The following SYT14 variants were observed in gnomAD, a reference collection of about 807,000 sequenced individuals.
SYT14 encodes the protein synaptotagmin-14.
A neutral mutation model predicts 74.2 loss-of-function variants in SYT14; 32 were observed. The observed-to-expected ratio is 0.43, with a 90% CI of 0.33 to 0.58. The LOEUF (loss-of-function observed/expected upper bound fraction) is 0.58. SYT14 is among the 20% of genes least tolerant of loss of function. The pLI is 0.05. For synonymous variants in SYT14, 298 were observed against 337.7 expected (o/e 0.88, Z 1.29); for missense variants, 791 against 981.8 (o/e 0.81, Z 2.60).
rs1051006168 is a variant in SYT14 at position 210,018,193 on chromosome 1, G to A, written c.1096+1094G>A. Among the ~76,000 whole-genome samples the A allele has an allele frequency of 6.6e-5, 10 of 152,188 alleles. No homozygotes were observed. The East Asian group carries it at 1.9e-3, about 29-fold the overall frequency. On this transcript the variant is annotated intron_variant, in intron 4 of 9. Transcript: ENST00000637265. Reference sequence around the variant, plus strand: ...GCTGTCGCCAGGCTGGATTGCAGTGGTGCAATCTCGGCTCACTGCCATCTC... The same window carrying A: ...GCTGTCGCCAGGCTGGATTGCAGTGATGCAATCTCGGCTCACTGCCATCTC...
Position 209,941,427 on chromosome 1 carries a change from A to T in SYT14, c.-534+3150A>T, listed in dbSNP as rs527380261. Among the ~76,000 whole-genome samples the T allele has an allele frequency of 1.4e-4, 22 of 152,304 alleles. No individual in the cohort carries two copies. In the South Asian group the frequency reaches 4.6e-3, roughly 32 times the overall value. On this transcript the variant is annotated intron_variant, in intron 1 of 9. Coordinates refer to ENST00000637265, the Ensembl canonical transcript of SYT14. ...ATCTGGCAATACCAGGTTGGGAATC[A>T]TTGTTGTAGCCTAGCCTATGAAGTG...
At chr1:210,039,084 A>C (rs2080730843) in intron 5 of SYT14, among the ~76,000 whole-genome samples, 1 of 152,046 alleles carries the variant, frequency 6.6e-6, no homozygotes, top group Non-Finnish European at 1.5e-5. Flanking sequence ...ATACTTCTCA[A>C]AGGCTTTGTT....
rs1186900200 is a variant in SYT14 at position 209,988,230 on chromosome 1, C to T, written c.-485-25403C>T. ...TTGTAATATCTGATGTGCTGTCAGTCTCTTTCAGTGTATTTTTATCTAAGA... is the reference window on the plus strand; with the variant it reads ...TTGTAATATCTGATGTGCTGTCAGTTTCTTTCAGTGTATTTTTATCTAAGA... On this transcript the variant is annotated intron_variant, in intron 2 of 9. Coordinates refer to ENST00000637265, the Ensembl canonical transcript of SYT14. Among the ~76,000 whole-genome samples the T allele has an allele frequency of 2.0e-5, 3 of 152,268 alleles. No homozygotes were observed. The East Asian group carries it at 5.8e-4, about 29-fold the overall frequency.
chr1:210,075,338 G>GTT (rs1174586080), intron 5 of SYT14, among the ~76,000 whole-genome samples: 33 of 104,546 alleles, frequency 3.2e-4, no homozygotes, highest in African/African-American at 8.0e-4. Flanking sequence ...GGTCTCGAGG[G>GTT]TTTGTTTTTT....
At chr1:210,059,509 C>T (rs1421035256) in intron 5 of SYT14, among the ~76,000 whole-genome samples, 5 of 139,218 alleles carry the variant, frequency 3.6e-5, no homozygotes, top group African/African-American at 1.4e-4. Flanking sequence ...ATTACATTAA[C>T]ATTATTTCCA....
At chr1:210,149,858 C>T (rs2083123715) in intron 7 of SYT14, among the ~76,000 whole-genome samples, 1 of 152,134 alleles carries the variant, frequency 6.6e-6, no homozygotes, top group African/African-American at 2.4e-5. Context: ...ATCACCTGCT[C>T]CCCAGTAATG....
chr1:210,167,275 G>T (rs1442668411), exon 10 of SYT14: 1 of 152,106 alleles, frequency 6.6e-6, no homozygotes, highest in Non-Finnish European at 1.5e-5. Context: ...CATCTAAATG[G>T]CTTCATTGTC....
intron 7 of SYT14, among the ~76,000 whole-genome samples, chr1:210,115,270 G>T (rs1417520495): frequency 6.6e-6 from 1 of 151,230 alleles, no homozygotes; most frequent in Non-Finnish European, 1.5e-5. Context: ...TAAGGGAGAA[G>T]AAGGAGGAAT....
intron 1 of SYT14, among the ~76,000 whole-genome samples, chr1:209,950,378 T>C (rs2078893071): frequency 1.3e-5 from 2 of 152,212 alleles, no homozygotes; most frequent in Non-Finnish European, 2.9e-5. Context: ...ATTTGGTAAA[T>C]ATCCAGTCAT....
At chr1:210,107,375 C>G (rs2082178053) in intron 7 of SYT14, among the ~76,000 whole-genome samples, 1 of 152,184 alleles carries the variant, frequency 6.6e-6, no homozygotes, top group Non-Finnish European at 1.5e-5. Flanking sequence ...GGAGAAACAG[C>G]CAAACCATAT....
chr1:209,995,314 CAA>C (rs1281931613), intron 2 of SYT14, among the ~76,000 whole-genome samples: 15 of 151,674 alleles, frequency 9.9e-5, no homozygotes, highest in Non-Finnish European at 1.5e-5. Flanking sequence ...AAACAGAAAC[CAA>C]AAAAAGAGCA....
exon 10 of SYT14, chr1:210,169,402 A>T (rs1051439868): frequency 1.3e-5 from 2 of 151,618 alleles, no homozygotes; most frequent in African/African-American, 4.8e-5. Flanking sequence ...GCTGTTGCAC[A>T]TACATCGACT....
At chr1:209,939,205 C>A (rs2078688671) in intron 1 of SYT14, among the ~76,000 whole-genome samples, 1 of 152,106 alleles carries the variant, frequency 6.6e-6, no homozygotes, top group South Asian at 2.1e-4. Context: ...TCTTCCAGGC[C>A]CTGTCTCTTA....
At chr1:209,944,571 T>G (rs892420996) in intron 1 of SYT14, among the ~76,000 whole-genome samples, 1 of 152,180 alleles carries the variant, frequency 6.6e-6, no homozygotes, top group African/African-American at 2.4e-5. Context: ...TGTTTCAAAG[T>G]GTAGGCTGCT....
intron 5 of SYT14, among the ~76,000 whole-genome samples, chr1:210,078,888 A>G (rs891755579): frequency 6.6e-6 from 1 of 151,384 alleles, no homozygotes; most frequent in African/African-American, 2.4e-5. Flanking sequence ...CTGGGACTAC[A>G]GGGTTATGTG....
intron 5 of SYT14, 150 bp from the exon 5 acceptor site, chr1:210,094,172 T>G: frequency 9.8e-7 from 1 of 1,015,592 alleles, no homozygotes; most frequent in Non-Finnish European, 1.5e-6. Context: ...GCCTCTGAAC[T>G]AGGGAAAAAG....
At chr1:210,142,032 A>C (rs1032997975) in intron 7 of SYT14, among the ~76,000 whole-genome samples, 1 of 152,232 alleles carries the variant, frequency 6.6e-6, no homozygotes, top group Non-Finnish European at 1.5e-5. Context: ...TGTTTCCAAC[A>C]GATGTTCTAA....
chr1:209,980,515 C>T (rs2102796133), intron 2 of SYT14, among the ~76,000 whole-genome samples: 1 of 152,260 alleles, frequency 6.6e-6, no homozygotes, highest in South Asian at 2.1e-4. Flanking sequence ...GTCATGAAGT[C>T]TTTGCCGGTG....
intron 5 of SYT14, among the ~76,000 whole-genome samples, chr1:210,070,300 C>G (rs1022412769): frequency 6.6e-6 from 1 of 152,044 alleles, no homozygotes; most frequent in Non-Finnish European, 1.5e-5. Context: ...ATGAGGTTCT[C>G]TAGTTCCCTT....
Sources: gnomAD v4.1 joint callset for allele counts (sites outside exome capture counted in the v4.1 genomes callset) on GRCh38, gnomAD v4.1.1 for gene constraint, MANE v1.5 for transcripts, NCBI Gene and HGNC (gene_info 2026-07-23, HGNC 2026-07-21) for gene names.